The following LOXL2 variants were observed in gnomAD, a reference collection of about 807,000 sequenced individuals.
LOXL2 encodes lysyl oxidase homolog 2.
In LOXL2, 70 loss-of-function variants were observed where a neutral mutation model predicts 93.0. That is an observed-to-expected ratio of 0.75 (90% CI 0.62 to 0.92). LOXL2 has a LOEUF of 0.92. Among genes scored for constraint, LOXL2 ranks in the 40% least tolerant of loss-of-function variants. The pLI is 0.00. For synonymous variants in LOXL2, 438 were observed against 413.2 expected, an observed-to-expected ratio of 1.06 and a Z score of -0.73; for missense variants, 973 against 1,054.9, an observed-to-expected ratio of 0.92 and a Z score of 1.08.
intron 5 of LOXL2, among the ~76,000 whole-genome samples, chr8:23,330,730 G>T (rs529836992): frequency 2.0e-5 from 3 of 151,466 alleles, no homozygotes; most frequent in South Asian, 4.2e-4. Flanking sequence ...CACAAGGAAA[G>T]CTCAGAGGCT....
chr8:23,403,458 G>A (rs1479925876), intron 1 of LOXL2, among the ~76,000 whole-genome samples: 1 of 151,946 alleles, frequency 6.6e-6, no homozygotes, highest in Non-Finnish European at 1.5e-5. Flanking sequence ...CGCAGCCCCC[G>A]GGGTCCCCGC....
intron 8 of LOXL2, among the ~76,000 whole-genome samples, chr8:23,318,425 GCA>G (rs59051890): frequency 0.055 from 7,994 of 145,778 alleles, 350 homozygotes; most frequent in East Asian, 0.19. Context: ...TTGGTTGATA[GCA>G]CACACACACA....
intron 12 of LOXL2, among the ~76,000 whole-genome samples, chr8:23,300,417 T>C (rs1803110779): frequency 6.6e-6 from 1 of 152,156 alleles, no homozygotes; most frequent in Non-Finnish European, 1.5e-5. Flanking sequence ...GCCTCTGAGC[T>C]CTGCACAGGT....
chr8:23,330,083 T>C (rs1189658025), intron 5 of LOXL2, among the ~76,000 whole-genome samples: 1 of 150,308 alleles, frequency 6.7e-6, no homozygotes, highest in Non-Finnish European at 1.5e-5. Context: ...CCCAGCACTT[T>C]GGGAGGCCAA....
chr8:23,388,147 C>G (rs12674548), intron 1 of LOXL2, among the ~76,000 whole-genome samples: 1 of 152,048 alleles, frequency 6.6e-6, no homozygotes, highest in African/African-American at 2.4e-5. Flanking sequence ...AACTACAGTT[C>G]TGAGTGATAC....
At chr8:23,316,922 G>T (rs1431388851) in intron 9 of LOXL2, 27 bp downstream of exon 9, 1 of 1,554,662 alleles carries the variant, frequency 6.4e-7, no homozygotes, top group African/African-American at 1.4e-5. Context: ...TGGGAGCCCG[G>T]TGGGGAGGGA....
chr8:23,350,218 C>T (rs139534609), intron 3 of LOXL2, among the ~76,000 whole-genome samples: 180 of 152,284 alleles, frequency 1.2e-3, no homozygotes, highest in African/African-American at 4.1e-3. Context: ...GCATGCTGTA[C>T]TCCAGGAGTC....
rs559663153 is a variant in LOXL2, at chr8:23,348,198, T to G, written c.532-6995A>C. ...GCATGTTCTCACGCGTAGGTGGGAATTGAACAATGAGAACAGTTGGACACA... is the reference window on the plus strand; with the variant it reads ...GCATGTTCTCACGCGTAGGTGGGAAGTGAACAATGAGAACAGTTGGACACA... On this transcript the variant is annotated intron_variant, in intron 3 of 13. Coordinates refer to ENST00000389131, the MANE Select transcript of LOXL2 (RefSeq NM_002318.3). Among the ~76,000 whole-genome samples, 406 of 136,070 alleles carry G rather than the reference T, an allele frequency of 3.0e-3. 2 individuals are homozygous for G. Among genetic ancestry groups the G allele is most frequent in the African/African-American group, 0.011 (392 of 35,482 alleles). 89.3% of individuals were successfully genotyped at this position (136,070 alleles called of 152,430 possible).
chr8:23,395,927 GC>G (rs1800084746), intron 1 of LOXL2, among the ~76,000 whole-genome samples: 1 of 152,024 alleles, frequency 6.6e-6, no homozygotes, highest in South Asian at 2.1e-4. Flanking sequence ...CCCAACCTTG[GC>G]CTCCCAGAGT....
At chr8:23,377,364 G>A (rs1804610108) in intron 1 of LOXL2, among the ~76,000 whole-genome samples, 1 of 152,084 alleles carries the variant, frequency 6.6e-6, no homozygotes, top group Non-Finnish European at 1.5e-5. Context: ...TTCCAACTAT[G>A]TGGTCAATTT....
At chr8:23,403,464 C>T (rs563132912) in intron 1 of LOXL2, among the ~76,000 whole-genome samples, 1 of 152,190 alleles carries the variant, frequency 6.6e-6, no homozygotes, top group South Asian at 2.1e-4. Context: ...CCCCGGGGTC[C>T]CCGCCCCCAC....
intron 6 of LOXL2, 124 bp downstream of exon 6, chr8:23,328,258 G>T: frequency 1.0e-6 from 1 of 994,024 alleles, no homozygotes; most frequent in Non-Finnish European, 1.5e-6. Context: ...TTCTCTCCCA[G>T]GCAGCCACTA....
At chr8:23,403,285 G>A (rs974550776) in intron 1 of LOXL2, among the ~76,000 whole-genome samples, 2 of 152,202 alleles carry the variant, frequency 1.3e-5, no homozygotes, top group Admixed American at 1.3e-4. Flanking sequence ...GCGGGAGAGG[G>A]TCCCTGGTCC....
intron 8 of LOXL2, among the ~76,000 whole-genome samples, chr8:23,319,477 G>A (rs1803458033): frequency 6.6e-6 from 1 of 152,186 alleles, no homozygotes; most frequent in Admixed American, 6.5e-5. Flanking sequence ...AAGGGAGCAA[G>A]CTAAGGCGTT....
At chr8:23,403,614 T>C (rs1800179609) in intron 1 of LOXL2, among the ~76,000 whole-genome samples, 1 of 151,898 alleles carries the variant, frequency 6.6e-6, no homozygotes, top group African/African-American at 2.4e-5. Flanking sequence ...CGCTGCACTC[T>C]CCAAGACGCC....
Position 23,368,124 on chromosome 8 carries a change from A to G in LOXL2, c.228T>C (p.Tyr76=), listed in dbSNP as rs559715251. 1.1e-5 allele frequency: 17 copies of G among 1,614,150 alleles called. No individual in the cohort carries two copies. The highest frequency in any genetic ancestry group is 8.0e-5 in the African/African-American group (6 of 75,088). Residue 76 remains tyrosine (Y), a synonymous_variant, in exon 2 of 14, where the codon TAT becomes TAC. Coordinates refer to ENST00000389131, the MANE Select transcript of LOXL2 (RefSeq NM_002318.3). ...CGCACACGGTGCCCCACTGGCCATC[A>G]TAGTACACCTCCACCCGGCCCTCGC... ...KHSEGRVEVY[Y]DGQWGTVCDD... is the part of the protein sequence containing the mutation.
At position 23,399,825 on chromosome 8, in the gene LOXL2, C is replaced by A. The variant is rs151182943; in HGVS notation, c.-84+4129G>T. Among the ~76,000 whole-genome samples the A allele has an allele frequency of 3.7e-4, 57 of 152,318 alleles. No individual in the cohort carries two copies. The East Asian group carries it at 0.011, about 29-fold the overall frequency. Reference sequence around the variant, plus strand: ...GCTGGTGTGGAATCACCTAGAAATTCTTCCTCCATGGAGACAGCCTATTAG... The same window carrying A: ...GCTGGTGTGGAATCACCTAGAAATTATTCCTCCATGGAGACAGCCTATTAG... On this transcript the variant is annotated intron_variant, in intron 1 of 13. Coordinates refer to ENST00000389131, the MANE Select transcript of LOXL2 (RefSeq NM_002318.3).
intron 1 of LOXL2, among the ~76,000 whole-genome samples, chr8:23,373,215 G>T (rs1804527021): frequency 6.6e-6 from 1 of 152,168 alleles, no homozygotes. Flanking sequence ...GGGAGTAGAG[G>T]TCTTCTTTCC....
intron 3 of LOXL2, among the ~76,000 whole-genome samples, chr8:23,359,705 C>A (rs537030270): frequency 6.6e-6 from 1 of 152,228 alleles, no homozygotes; most frequent in South Asian, 2.1e-4. Context: ...TGTTACGCAG[C>A]AATTGATAAC....
Sources: allele counts gnomAD v4.1 joint callset (sites outside exome capture counted in the v4.1 genomes callset), GRCh38; gene constraint gnomAD v4.1.1; transcripts MANE v1.5; gene names NCBI Gene and HGNC (gene_info 2026-07-23, HGNC 2026-07-21).